The following PPP1R9A variants were observed in gnomAD, a reference collection of about 807,000 sequenced individuals.
PPP1R9A encodes the protein protein phosphatase 1 regulatory subunit 9A.
PPP1R9A carries 59 observed loss-of-function variants against 141.9 expected under a neutral mutation model. That is an observed-to-expected ratio of 0.42 (90% CI 0.34 to 0.52). The LOEUF (loss-of-function observed/expected upper bound fraction) is 0.52, where lower values mean the gene tolerates loss of function less well. Among genes scored for constraint, PPP1R9A ranks in the 20% least tolerant of loss-of-function variants. The probability of loss-of-function intolerance (pLI) is 0.10; values close to 1 mark genes in which losing one functional copy is unlikely to be tolerated. For missense variants in PPP1R9A, 1,444 were observed against 1,611.9 expected (o/e 0.90, Z 1.78); for synonymous variants, 500 against 569.7 (o/e 0.88, Z 1.74).
chr7:94,972,427 T>C (rs1303810024), intron 2 of PPP1R9A, among the ~76,000 whole-genome samples: 1 of 151,910 alleles, frequency 6.6e-6, no homozygotes, highest in Non-Finnish European at 1.5e-5. Flanking sequence ...TTTTTTTCCC[T>C]GCAAATGTGA....
At chr7:95,146,459 T>G (rs1004670610) in intron 4 of PPP1R9A, among the ~76,000 whole-genome samples, 2 of 152,214 alleles carry the variant, frequency 1.3e-5, no homozygotes, top group African/African-American at 4.8e-5. Flanking sequence ...CTGTTCACCC[T>G]GATGATAGTT....
At chr7:95,118,185 A>G (rs1232176758) in intron 3 of PPP1R9A, among the ~76,000 whole-genome samples, 1 of 152,240 alleles carries the variant, frequency 6.6e-6, no homozygotes, top group African/African-American at 2.4e-5. Flanking sequence ...CTTCATGTAC[A>G]CAACAAATCT....
chr7:95,224,436 T>C (rs539771143), intron 7 of PPP1R9A, among the ~76,000 whole-genome samples: 3 of 152,272 alleles, frequency 2.0e-5, no homozygotes, highest in Admixed American at 1.3e-4. Flanking sequence ...TGAAGGATGC[T>C]GTGGCAGTGT....
At chr7:95,201,763 T>A (rs1464371683) in intron 6 of PPP1R9A, among the ~76,000 whole-genome samples, 1 of 152,230 alleles carries the variant, frequency 6.6e-6, no homozygotes, top group East Asian at 1.9e-4. Flanking sequence ...CTTGGTTTTT[T>A]TACTTTTATG....
intron 1 of PPP1R9A, among the ~76,000 whole-genome samples, chr7:94,909,313 C>CT (rs540931723): frequency 6.6e-6 from 1 of 152,162 alleles, no homozygotes; most frequent in East Asian, 1.9e-4. Context: ...TATTCAGGAA[C>CT]TTTTTTTCTC....
chr7:95,028,470 AAC>A (rs1488368413), intron 2 of PPP1R9A, among the ~76,000 whole-genome samples: 6 of 152,192 alleles, frequency 3.9e-5, no homozygotes, highest in African/African-American at 1.4e-4. Flanking sequence ...TTTAAAAATT[AAC>A]ACAACACATT....
intron 2 of PPP1R9A, among the ~76,000 whole-genome samples, chr7:94,975,468 A>G (rs1166933832): frequency 6.6e-6 from 1 of 151,030 alleles, no homozygotes. Flanking sequence ...ATTCTTAAAC[A>G]TATTCAGAAA....
intron 2 of PPP1R9A, among the ~76,000 whole-genome samples, chr7:94,940,279 A>G (rs1795196436): frequency 6.6e-6 from 1 of 152,108 alleles, no homozygotes; most frequent in Non-Finnish European, 1.5e-5. Flanking sequence ...TGCCAGTGTC[A>G]TATAACCATC....
intron 2 of PPP1R9A, among the ~76,000 whole-genome samples, chr7:95,107,290 A>G (rs891606750): frequency 2.0e-5 from 3 of 152,180 alleles, no homozygotes; most frequent in Non-Finnish European, 2.9e-5. Flanking sequence ...TTTATATATT[A>G]GGAATATTCA....
At chr7:95,285,035 G>A (rs1326195461) in intron 17 of PPP1R9A, among the ~76,000 whole-genome samples, 1 of 152,202 alleles carries the variant, frequency 6.6e-6, no homozygotes, top group Non-Finnish European at 1.5e-5. Context: ...GTACCAAATG[G>A]TAATGTTCAT....
chr7:95,018,086 G>A (rs928790818), intron 2 of PPP1R9A: 3 of 157,634 alleles, frequency 1.9e-5, no homozygotes, highest in African/African-American at 7.2e-5. Flanking sequence ...AAAAATAAAT[G>A]TGCTATTTAA....
chr7:95,123,446 C>G (rs374227068), intron 4 of PPP1R9A, among the ~76,000 whole-genome samples: 6 of 152,092 alleles, frequency 3.9e-5, no homozygotes, highest in African/African-American at 1.4e-4. Flanking sequence ...GTCCGGAGTT[C>G]GAGACCAGCC....
At chr7:94,916,651 T>C (rs1418382556) in intron 2 of PPP1R9A, among the ~76,000 whole-genome samples, 1 of 152,238 alleles carries the variant, frequency 6.6e-6, no homozygotes, top group Admixed American at 6.5e-5. Flanking sequence ...TTTAAGTTTT[T>C]AGTTATAAAA....
chr7:95,173,984 C>T (rs1832542557), intron 5 of PPP1R9A, among the ~76,000 whole-genome samples: 1 of 152,030 alleles, frequency 6.6e-6, no homozygotes, highest in Admixed American at 6.6e-5. Context: ...TAGGCATACA[C>T]TTATACCAGC....
intron 2 of PPP1R9A, among the ~76,000 whole-genome samples, chr7:95,005,561 A>T (rs1320008161): frequency 6.6e-6 from 1 of 152,210 alleles, no homozygotes; most frequent in Non-Finnish European, 1.5e-5. Flanking sequence ...GAAAATCCAC[A>T]GAATGGTTTT....
At chr7:95,132,990 A>G (rs1824937682) in intron 4 of PPP1R9A, among the ~76,000 whole-genome samples, 2 of 152,152 alleles carry the variant, frequency 1.3e-5, no homozygotes, top group Non-Finnish European at 2.9e-5. Context: ...AGAGTGGCAA[A>G]TTCTGGGTTC....
At position 95,204,760 on chromosome 7, in the gene PPP1R9A, CCACAAACACCACA is replaced by C. The variant is rs1282200250; in HGVS notation, c.1956+1035_1956+1047del. On this transcript the variant is annotated intron_variant, in intron 7 of 19. Coordinates refer to ENST00000433360, the MANE Select transcript of PPP1R9A (RefSeq NM_001166160.2). ...ACCCACACACACCCACCACACATAC[CCACAAACACCACA>C]CACACACACCACACACACACCACAC... is the stretch of plus-strand genomic sequence containing the variant. 4.8e-3 allele frequency among the ~76,000 whole-genome samples: 635 copies of C among 132,628 alleles called. 4 individuals are homozygous for C. The highest frequency in any genetic ancestry group is 0.017 in the African/African-American group (599 of 35,602). The allele number at this position is 132,628 out of a possible 152,430, so 87.0% of individuals were successfully genotyped here.
intron 2 of PPP1R9A, among the ~76,000 whole-genome samples, chr7:94,951,808 G>C (rs1563037471): frequency 6.7e-6 from 1 of 150,040 alleles, no homozygotes; most frequent in Non-Finnish European, 1.5e-5. Flanking sequence ...TTCTTTGAGT[G>C]CTTCATTCAG....
chr7:95,109,718 C>T (rs1820202841), intron 2 of PPP1R9A, among the ~76,000 whole-genome samples: 1 of 151,556 alleles, frequency 6.6e-6, no homozygotes, highest in Non-Finnish European at 1.5e-5. Flanking sequence ...ATGGCATGTG[C>T]CTGTAATCCT....
Sources: gnomAD v4.1 joint callset for allele counts (sites outside exome capture counted in the v4.1 genomes callset) on GRCh38, gnomAD v4.1.1 for gene constraint, MANE v1.5 for transcripts, NCBI Gene and HGNC (gene_info 2026-07-23, HGNC 2026-07-21) for gene names.